Variants in ITPK1 observed in about 807,000 individuals in gnomAD.
The protein encoded by ITPK1 is inositol 1,3,4-trisphosphate 5/6-kinase.
ITPK1 carries 21 observed loss-of-function variants against 45.3 expected under a neutral mutation model. The ratio of observed to expected loss-of-function variants is 0.46; its 90% CI spans 0.33 to 0.67. The LOEUF (loss-of-function observed/expected upper bound fraction) is 0.67. Among genes scored for constraint, ITPK1 ranks in the 30% least tolerant of loss-of-function variants. The probability of loss-of-function intolerance (pLI) is 0.02; values close to 1 mark genes in which losing one functional copy is unlikely to be tolerated. For synonymous variants in ITPK1, 258 were observed against 253.6 expected, an observed-to-expected ratio of 1.02 and a Z score of -0.16; for missense variants, 474 against 573.5, an observed-to-expected ratio of 0.83 and a Z score of 1.77.
intron 3 of ITPK1, among the ~76,000 whole-genome samples, chr14:93,051,059 G>A (rs1299822522): frequency 1.3e-5 from 2 of 152,148 alleles, no homozygotes; most frequent in Non-Finnish European, 2.9e-5. Flanking sequence ...GCCTGCCTGG[G>A]CACTCAGAAG....
intron 3 of ITPK1, among the ~76,000 whole-genome samples, chr14:93,051,368 C>T (rs1455120567): frequency 6.6e-6 from 1 of 152,204 alleles, no homozygotes; most frequent in Non-Finnish European, 1.5e-5. Flanking sequence ...GTAATCCCTG[C>T]ACTTTGGAAG....
intron 1 of ITPK1, among the ~76,000 whole-genome samples, chr14:93,115,527 AG>A (rs1892915313): frequency 6.7e-6 from 1 of 149,372 alleles, no homozygotes; most frequent in South Asian, 2.1e-4. Context: ...AGCTGGGGCC[AG>A]GGCCCGCAGG....
chr14:93,113,637 G>C (rs572599986), intron 2 of ITPK1, among the ~76,000 whole-genome samples: 1 of 152,288 alleles, frequency 6.6e-6, no homozygotes, highest in African/African-American at 2.4e-5. Context: ...CAACGTTCAA[G>C]TACCCTTTTG....
chr14:93,027,010 T>C (rs1888768563), intron 3 of ITPK1, among the ~76,000 whole-genome samples: 1 of 152,196 alleles, frequency 6.6e-6, no homozygotes, highest in South Asian at 2.1e-4. Flanking sequence ...CGTCACTTTT[T>C]TATAACAGTG....
At chr14:92,970,043 G>A (rs1252692981) in intron 5 of ITPK1, among the ~76,000 whole-genome samples, 2 of 152,110 alleles carry the variant, frequency 1.3e-5, no homozygotes, top group Admixed American at 6.5e-5. Context: ...CTGGCCTCCC[G>A]CGTCACACCT....
intron 3 of ITPK1, among the ~76,000 whole-genome samples, chr14:93,030,606 C>T (rs576750435): frequency 6.6e-6 from 1 of 152,188 alleles, no homozygotes. Flanking sequence ...AACAAACAAG[C>T]AAAGGAAGCG....
intron 5 of ITPK1, among the ~76,000 whole-genome samples, chr14:92,984,480 A>G (rs777437756): frequency 6.6e-6 from 1 of 152,174 alleles, no homozygotes; most frequent in South Asian, 2.1e-4. Flanking sequence ...TTCACAACTT[A>G]CTTAGGATTT....
At chr14:93,104,985 T>C (rs1473979933) in intron 2 of ITPK1, among the ~76,000 whole-genome samples, 2 of 152,182 alleles carry the variant, frequency 1.3e-5, no homozygotes, top group Non-Finnish European at 2.9e-5. Context: ...GGAATGTCTC[T>C]TGTGCAAAAC....
rs534212014 is a variant in ITPK1 at position 93,089,613 on chromosome 14, A to G, written c.96-12994T>C. Among the ~76,000 whole-genome samples the G allele has an allele frequency of 3.3e-5, 5 of 152,270 alleles. No individual in the cohort carries two copies. The South Asian group carries it at 8.3e-4, about 25-fold the overall frequency. On this transcript the variant is annotated intron_variant, in intron 2 of 10. Transcript: ENST00000267615. ...TAAAGGGTTCCACCAATGAGACAGA[A>G]ATCAGCTGGGTCACAGGACTGCAGC... is the stretch of plus-strand genomic sequence containing the variant.
chr14:93,065,040 C>T (rs1303564183), intron 3 of ITPK1, among the ~76,000 whole-genome samples: 2 of 152,072 alleles, frequency 1.3e-5, no homozygotes, highest in African/African-American at 4.8e-5. Flanking sequence ...GATGCCTTCA[C>T]CCCATCATGG....
intron 10 of ITPK1, among the ~76,000 whole-genome samples, chr14:92,943,126 C>T (rs76354446): frequency 0.066 from 10,028 of 152,320 alleles, 427 homozygotes; most frequent in East Asian, 0.22. Flanking sequence ...CGGCAAGCGG[C>T]GCCTCCCGAG....
chr14:93,054,613 A>G (rs1890147228), intron 3 of ITPK1, among the ~76,000 whole-genome samples: 1 of 152,228 alleles, frequency 6.6e-6, no homozygotes, highest in Non-Finnish European at 1.5e-5. Flanking sequence ...GTGAAGAGCA[A>G]GAAAGATGCC....
chr14:93,006,927 A>C (rs1274877714), intron 4 of ITPK1, among the ~76,000 whole-genome samples: 1 of 152,236 alleles, frequency 6.6e-6, no homozygotes, highest in Non-Finnish European at 1.5e-5. Context: ...AGCGGGAGGC[A>C]GGCAAGGTGC....
At chr14:92,996,479 G>A (rs922604325) in intron 4 of ITPK1, among the ~76,000 whole-genome samples, 2 of 151,720 alleles carry the variant, frequency 1.3e-5, no homozygotes, top group African/African-American at 4.8e-5. Context: ...TATACCTAAT[G>A]TAAATGACGA....
At chr14:93,065,808 G>A (rs1462311276) in intron 3 of ITPK1, among the ~76,000 whole-genome samples, 1 of 152,216 alleles carries the variant, frequency 6.6e-6, no homozygotes, top group African/African-American at 2.4e-5. Flanking sequence ...CTGGAGCAGA[G>A]AAATGGTTCT....
intron 3 of ITPK1, among the ~76,000 whole-genome samples, chr14:93,066,939 G>C (rs938046791): frequency 6.6e-6 from 1 of 152,270 alleles, no homozygotes; most frequent in African/African-American, 2.4e-5. Context: ...CAGAGTCTCA[G>C]CCCTGCACCA....
At chr14:93,064,773 TGCC>T (rs1284091773) in intron 3 of ITPK1, among the ~76,000 whole-genome samples, 12 of 152,224 alleles carry the variant, frequency 7.9e-5, no homozygotes, top group African/African-American at 2.9e-4. Flanking sequence ...GGGCTGTCTC[TGCC>T]TACCATTTGT....
chr14:92,937,489 G>C lies in ITPK1; in HGVS notation c.*4072C>G, dbSNP rs1404461614. The C allele has an allele frequency of 6.6e-6, 1 of 152,214 alleles. No individual in the cohort carries two copies. Among genetic ancestry groups the C allele is most frequent in the Non-Finnish European group, 1.5e-5 (1 of 68,060 alleles). The allele number at this position is 152,214 out of a possible 1,614,324, so 9.4% of individuals were successfully genotyped here. On this transcript the variant is annotated 3_prime_UTR_variant, in exon 11 of 11. Transcript: ENST00000267615. ...GGGAAAATGTAATCATTTCTGAAAA[G>C]GGGGGGTCTGGGTGCTCCTGCGGGT...
chr14:92,955,775 A>ACC (rs552775015), intron 8 of ITPK1, among the ~76,000 whole-genome samples: 2 of 152,138 alleles, frequency 1.3e-5, no homozygotes, highest in African/African-American at 4.8e-5. Flanking sequence ...CACTCAAGGA[A>ACC]CCCCCATCCC....
Sources: gnomAD v4.1 joint callset for allele counts (sites outside exome capture counted in the v4.1 genomes callset) on GRCh38, gnomAD v4.1.1 for gene constraint, MANE v1.5 for transcripts, NCBI Gene and HGNC (gene_info 2026-07-23, HGNC 2026-07-21) for gene names.